PACRG: variants seen among roughly 807,000 people sequenced by gnomAD.
The protein encoded by PACRG is parkin coregulated gene protein.
PACRG carries 29 observed loss-of-function variants against 29.7 expected under a neutral mutation model. That is an observed-to-expected ratio of 0.98 (90% CI 0.73 to 1.33). The LOEUF is 1.33. PACRG is among the 40% of genes most tolerant of loss of function. The pLI is 0.00. For missense variants in PACRG, 279 were observed against 316.2 expected (o/e 0.88, Z 0.89); for synonymous variants, 116 against 118.7 (o/e 0.98, Z 0.15).
chr6:163,199,010 C>T (rs1435894020), intron 4 of PACRG, among the ~76,000 whole-genome samples: 1 of 152,164 alleles, frequency 6.6e-6, no homozygotes, highest in African/African-American at 2.4e-5. Context: ...TCTGATGAGC[C>T]TCTCCAAAGG....
At chr6:163,289,318 A>G (rs1252294114) in intron 4 of PACRG, among the ~76,000 whole-genome samples, 2 of 152,140 alleles carry the variant, frequency 1.3e-5, no homozygotes, top group African/African-American at 2.4e-5. Flanking sequence ...CAGTTCCAAG[A>G]TGGCTTTCAC....
At chr6:162,970,088 C>G (rs888425950) in intron 2 of PACRG, among the ~76,000 whole-genome samples, 3 of 152,200 alleles carry the variant, frequency 2.0e-5, no homozygotes, top group African/African-American at 7.2e-5. Context: ...TTCACTCTGT[C>G]TGCTGCCATG....
At chr6:163,239,989 C>T (rs550562546) in intron 4 of PACRG, among the ~76,000 whole-genome samples, 2 of 150,084 alleles carry the variant, frequency 1.3e-5, no homozygotes, top group South Asian at 4.2e-4. Flanking sequence ...CACATACACA[C>T]ACACTCACAC....
chr6:162,980,230 G>A (rs1264233369), intron 2 of PACRG, among the ~76,000 whole-genome samples: 2 of 151,774 alleles, frequency 1.3e-5, no homozygotes, highest in African/African-American at 4.8e-5. Flanking sequence ...ACTAGCATAA[G>A]TTTTTAATTA....
At chr6:163,144,001 G>A (rs900867961) in intron 4 of PACRG, among the ~76,000 whole-genome samples, 3 of 152,218 alleles carry the variant, frequency 2.0e-5, no homozygotes, top group African/African-American at 7.2e-5. Flanking sequence ...TTGGGAGGCC[G>A]AGGTGGGTCC....
chr6:162,844,355 C>T (rs9365497), intron 2 of PACRG, among the ~76,000 whole-genome samples: 2 of 152,064 alleles, frequency 1.3e-5, no homozygotes, highest in Admixed American at 6.6e-5. Context: ...GGAGTGACCC[C>T]ATTTTCCAGG....
At chr6:163,092,337 C>T (rs544575746) in intron 4 of PACRG, among the ~76,000 whole-genome samples, 46 of 152,244 alleles carry the variant, frequency 3.0e-4, no homozygotes, top group African/African-American at 1.1e-3. Flanking sequence ...CCAGTCTTTT[C>T]AAGGACCAGT....
rs557369349 is a variant in PACRG, at chr6:163,196,740, T to A, written c.613+107332T>A. 1.1e-4 allele frequency among the ~76,000 whole-genome samples: 16 copies of A among 152,200 alleles called. No individual in the cohort carries two copies. In the South Asian group the frequency reaches 1.7e-3, roughly 16 times the overall value. ...TGACACAAGACCCAGGGTGAGCAGATGTTCAGAAGACAGAGCTAAAGAAAG... is the reference window on the plus strand; with the variant it reads ...TGACACAAGACCCAGGGTGAGCAGAAGTTCAGAAGACAGAGCTAAAGAAAG... On this transcript the variant is annotated intron_variant, in intron 4 of 4. Coordinates refer to ENST00000366888, the MANE Select transcript of PACRG (RefSeq NM_001080379.2).
intron 4 of PACRG, among the ~76,000 whole-genome samples, chr6:163,296,723 G>A (rs974109372): frequency 6.6e-6 from 1 of 152,184 alleles, no homozygotes; most frequent in Non-Finnish European, 1.5e-5. Context: ...GATATGTGCA[G>A]CCCAGCCATT....
intron 4 of PACRG, among the ~76,000 whole-genome samples, chr6:163,301,996 C>A (rs1230712828): frequency 1.3e-5 from 2 of 152,180 alleles, no homozygotes; most frequent in African/African-American, 4.8e-5. Flanking sequence ...ATCTTAATGT[C>A]CTGATTCAGG....
At chr6:163,263,714 A>T (rs771037771) in intron 4 of PACRG, among the ~76,000 whole-genome samples, 29 of 152,220 alleles carry the variant, frequency 1.9e-4, no homozygotes, top group Non-Finnish European at 3.4e-4. Context: ...GAATGCAATT[A>T]TGTTAATGTT....
chr6:163,135,185 AT>A (rs10568609), intron 4 of PACRG, among the ~76,000 whole-genome samples: 5,909 of 143,316 alleles, frequency 0.041, 219 homozygotes, highest in African/African-American at 0.11. Context: ...TAGTTAAGTC[AT>A]TTTTTTTTTT....
intron 1 of PACRG, among the ~76,000 whole-genome samples, chr6:162,742,405 C>T (rs916403773): frequency 1.3e-5 from 2 of 152,162 alleles, no homozygotes; most frequent in South Asian, 2.1e-4. Flanking sequence ...TCTTCAGTCA[C>T]GTGGAACTGT....
intron 1 of PACRG, among the ~76,000 whole-genome samples, chr6:162,787,515 G>A (rs1481144567): frequency 6.8e-6 from 1 of 146,058 alleles, no homozygotes; most frequent in East Asian, 2.0e-4. Context: ...GCTATTGTGT[G>A]TGTATATGTG....
chr6:163,296,315 G>T (rs1330393707), intron 4 of PACRG, among the ~76,000 whole-genome samples: 2 of 151,928 alleles, frequency 1.3e-5, no homozygotes, highest in Non-Finnish European at 2.9e-5. Context: ...TTTTGAGACG[G>T]AATCTCGCCC....
intron 2 of PACRG, among the ~76,000 whole-genome samples, chr6:162,970,432 C>T (rs888476030): frequency 6.6e-6 from 1 of 151,668 alleles, no homozygotes; most frequent in Non-Finnish European, 1.5e-5. Flanking sequence ...ACCACCTGGT[C>T]CCCCTCTTCT....
At chr6:163,040,618 C>G (rs2128236620) in intron 2 of PACRG, among the ~76,000 whole-genome samples, 1 of 152,328 alleles carries the variant, frequency 6.6e-6, no homozygotes, top group South Asian at 2.1e-4. Context: ...GGGAGCCCAC[C>G]TCTTTCATCA....
intron 1 of PACRG, among the ~76,000 whole-genome samples, chr6:162,776,995 G>A (rs1783697353): frequency 6.6e-6 from 1 of 152,178 alleles, no homozygotes; most frequent in African/African-American, 2.4e-5. Context: ...CTGCTCAGGT[G>A]CTGGGTGCAC....
At chr6:163,039,557 A>G (rs1344290825) in intron 2 of PACRG, among the ~76,000 whole-genome samples, 1 of 152,244 alleles carries the variant, frequency 6.6e-6, no homozygotes, top group African/African-American at 2.4e-5. Flanking sequence ...TGATAGTGAT[A>G]TGGACAATGA....
Sources: allele counts gnomAD v4.1 joint callset (sites outside exome capture counted in the v4.1 genomes callset), GRCh38; gene constraint gnomAD v4.1.1; transcripts MANE v1.5; gene names NCBI Gene and HGNC (gene_info 2026-07-23, HGNC 2026-07-21).